The following MAPT variants were observed in gnomAD, a reference collection of about 807,000 sequenced individuals.
The protein encoded by MAPT is microtubule associated protein tau, also known as microtubule-associated protein tau.
In MAPT, 34 loss-of-function variants were observed where a neutral mutation model predicts 67.9. The observed-to-expected ratio is 0.50, with a 90% CI of 0.38 to 0.67. The LOEUF is 0.67. MAPT is among the 30% of genes least tolerant of loss of function. MAPT has a pLI of 0.00. For synonymous variants in MAPT, 456 were observed against 464.5 expected (o/e 0.98, Z 0.23); for missense variants, 881 against 1,115.2 (o/e 0.79, Z 2.99).
intron 1 of MAPT, among the ~76,000 whole-genome samples, chr17:45,955,270 C>G (rs1026254113): frequency 1.2e-4 from 18 of 152,188 alleles, no homozygotes; most frequent in Admixed American, 8.5e-4. Context: ...CTTTTAATCC[C>G]TCTCCCTGAC....
chr17:45,988,149 C>A (rs1270920495), intron 6 of MAPT, among the ~76,000 whole-genome samples: 2 of 152,146 alleles, frequency 1.3e-5, no homozygotes, highest in Admixed American at 1.3e-4. Flanking sequence ...TGTCATCAGC[C>A]CCAGGGCCCC....
intron 12 of MAPT, among the ~76,000 whole-genome samples, chr17:46,019,366 G>C (rs2076383373): frequency 6.6e-6 from 1 of 152,098 alleles, no homozygotes. Context: ...GATGAGATTT[G>C]GGTGGGGACA....
At chr17:45,921,452 C>T (rs1419082391) in intron 1 of MAPT, among the ~76,000 whole-genome samples, 1 of 152,164 alleles carries the variant, frequency 6.6e-6, no homozygotes, top group Admixed American at 6.5e-5. Context: ...CCTCACCAGC[C>T]TGGATCAGGA....
At chr17:46,016,823 T>A (rs1352012885) in intron 11 of MAPT, among the ~76,000 whole-genome samples, 1 of 152,144 alleles carries the variant, frequency 6.6e-6, no homozygotes, top group African/African-American at 2.4e-5. Flanking sequence ...CTTTCTGCAG[T>A]GATGGAAATA....
At chr17:45,952,852 C>G (rs2069224298) in intron 1 of MAPT, among the ~76,000 whole-genome samples, 1 of 152,036 alleles carries the variant, frequency 6.6e-6, no homozygotes, top group Admixed American at 6.6e-5. Flanking sequence ...ACCCTGACAT[C>G]TCAAGTAAAA....
At chr17:45,938,022 C>T (rs879439037) in intron 1 of MAPT, among the ~76,000 whole-genome samples, 1 of 152,194 alleles carries the variant, frequency 6.6e-6, no homozygotes, top group Admixed American at 6.5e-5. Context: ...CATCCAGGTC[C>T]ATTTCTTTCC....
intron 1 of MAPT, among the ~76,000 whole-genome samples, chr17:45,927,346 A>G (rs905882897): frequency 3.3e-5 from 5 of 151,984 alleles, no homozygotes; most frequent in African/African-American, 9.7e-5. Context: ...AGAAGTCAAG[A>G]CTCCCAGGGT....
At chr17:45,982,496 A>G (rs1242467192) in intron 4 of MAPT, among the ~76,000 whole-genome samples, 1 of 152,040 alleles carries the variant, frequency 6.6e-6, no homozygotes, top group Non-Finnish European at 1.5e-5. Context: ...TTCCCAGTAG[A>G]TTAAGCCCAG....
At chr17:45,930,823 C>T (rs374351591) in intron 1 of MAPT, among the ~76,000 whole-genome samples, 6 of 152,260 alleles carry the variant, frequency 3.9e-5, no homozygotes, top group Admixed American at 2.6e-4. Context: ...CTGCCCAGTC[C>T]CCACTTGTAG....
At chr17:46,005,925 C>A (rs2075378286) in intron 9 of MAPT, among the ~76,000 whole-genome samples, 1 of 152,204 alleles carries the variant, frequency 6.6e-6, no homozygotes, top group Non-Finnish European at 1.5e-5. Flanking sequence ...GATCTAGATT[C>A]TTCTGTGGCT....
intron 1 of MAPT, among the ~76,000 whole-genome samples, chr17:45,917,962 G>A (rs973260416): frequency 1.3e-5 from 2 of 151,994 alleles, no homozygotes; most frequent in Non-Finnish European, 2.9e-5. Context: ...TAGTAGAGAC[G>A]GGGGTTTCAC....
chr17:45,909,626 G>C (rs7502888), intron 1 of MAPT, among the ~76,000 whole-genome samples: 21,813 of 152,096 alleles, frequency 0.14, 2,135 homozygotes, highest in Middle Eastern at 0.22. Context: ...AATCCCAACA[G>C]TTTGGGAGGC....
At chr17:45,955,398 C>T (rs938743660) in intron 1 of MAPT, among the ~76,000 whole-genome samples, 1 of 152,252 alleles carries the variant, frequency 6.6e-6, no homozygotes, top group Non-Finnish European at 1.5e-5. Flanking sequence ...CAGTCAGCTC[C>T]CTATGAACAG....
intron 12 of MAPT, among the ~76,000 whole-genome samples, chr17:46,019,558 G>A (rs1025817078): frequency 6.6e-6 from 1 of 151,944 alleles, no homozygotes; most frequent in African/African-American, 2.4e-5. Flanking sequence ...CTGTGGAGAC[G>A]AGGTTTTGCC....
rs555926903 is a variant in MAPT at position 45,972,541 on chromosome 17, T to G, written c.220+596T>G. ...CCATCTGTGTCAGTCAAGACTGCATTTGGCTGTAAGAAACAGAAACCCCAA... is the reference window on the plus strand; with the variant it reads ...CCATCTGTGTCAGTCAAGACTGCATGTGGCTGTAAGAAACAGAAACCCCAA... On this transcript the variant is annotated intron_variant, in intron 3 of 12. Transcript: ENST00000262410. Among the ~76,000 whole-genome samples, 64 of 152,334 alleles carry G rather than the reference T, an allele frequency of 4.2e-4. 2 individuals carry two copies. The highest frequency in any genetic ancestry group is 1.3e-3 in the Admixed American group (20 of 15,304).
At position 45,995,303 on chromosome 17, in the gene MAPT, C is replaced by T. The variant is rs2074384197; in HGVS notation, c.1733-1096C>T. On this transcript the variant is annotated intron_variant, in intron 8 of 12. Coordinates refer to ENST00000262410, the MANE Select transcript of MAPT (RefSeq NM_001377265.1). This position sits in a 1 kb window ranked among gnomAD's most constrained non-coding sequence, Gnocchi z 4.3. Reference sequence around the variant, plus strand: ...ACACCTCGGCACAGGGTGAGGCCTGCGGTTCTCAGACTTCAGTCTTTGTGG... The same window carrying T: ...ACACCTCGGCACAGGGTGAGGCCTGTGGTTCTCAGACTTCAGTCTTTGTGG... Among the ~76,000 whole-genome samples, 1 of 152,170 alleles carries T rather than the reference C, an allele frequency of 6.6e-6. No individual in the cohort carries two copies. Among genetic ancestry groups the T allele is most frequent in the Admixed American group, 6.5e-5 (1 of 15,274 alleles).
chr17:45,990,900 G>A (rs1369425028), intron 7 of MAPT, among the ~76,000 whole-genome samples: 2 of 152,172 alleles, frequency 1.3e-5, no homozygotes, highest in African/African-American at 2.4e-5. Context: ...CAGTGATGCT[G>A]GTGCTCGCCT....
chr17:45,964,628 G>A (rs1218782668), intron 2 of MAPT, among the ~76,000 whole-genome samples: 1 of 151,780 alleles, frequency 6.6e-6, no homozygotes, highest in Non-Finnish European at 1.5e-5. Context: ...AGGTTGCCGT[G>A]AGCCAAGATC....
chr17:45,971,573 A>C lies in MAPT; in HGVS notation c.134-286A>C, dbSNP rs914795556. On this transcript the variant is annotated intron_variant, in intron 2 of 12. Transcript: ENST00000262410. The surrounding 1 kb of genome is among the most constrained non-coding windows in gnomAD (Gnocchi z 4.3). Reference sequence around the variant, plus strand: ...CCAATGGAAGATAAACCTTTGCCTCAGGTGGCACCACTAGCTGGTTAAGAG... The same window carrying C: ...CCAATGGAAGATAAACCTTTGCCTCCGGTGGCACCACTAGCTGGTTAAGAG... Among the ~76,000 whole-genome samples, 5 of 152,172 alleles carry C rather than the reference A, an allele frequency of 3.3e-5. No homozygotes were observed. The highest frequency in any genetic ancestry group is 1.2e-4 in the African/African-American group (5 of 41,450).
Sources: gnomAD v4.1 joint callset for allele counts (sites outside exome capture counted in the v4.1 genomes callset) on GRCh38, gnomAD v4.1.1 for gene constraint, Gnocchi (gnomAD v3.1) non-coding constraint, MANE v1.5 for transcripts, NCBI Gene and HGNC (gene_info 2026-07-23, HGNC 2026-07-21) for gene names.